The following FAM135A variants were observed in gnomAD, a reference collection of about 807,000 sequenced individuals.
FAM135A encodes family with sequence similarity 135 member A, also known as protein FAM135A.
Under a neutral mutation model 146.8 loss-of-function variants are expected in FAM135A, and 79 were observed. That is an observed-to-expected ratio of 0.54 (90% CI 0.45 to 0.65). FAM135A has a LOEUF of 0.65. Ranked by LOEUF, FAM135A falls within the 30% of genes least tolerant of loss-of-function variation. The pLI, the probability that FAM135A is intolerant of heterozygous loss-of-function variation, is 0.00. For missense variants in FAM135A, 1,623 were observed against 1,758.2 expected, an observed-to-expected ratio of 0.92 and a Z score of 1.38; for synonymous variants, 562 against 603.6, an observed-to-expected ratio of 0.93 and a Z score of 1.01.
At chr6:70,481,146 C>CA in intron 9 of FAM135A, 119 bp downstream of exon 9, 3 of 913,008 alleles carry the variant, frequency 3.3e-6, no homozygotes, top group Non-Finnish European at 3.1e-6. Context: ...ACTTATAGAT[C>CA]TAATTAAATA....
intron 16 of FAM135A, among the ~76,000 whole-genome samples, chr6:70,530,677 C>CA (rs1795632288): frequency 6.6e-6 from 1 of 152,102 alleles, no homozygotes; most frequent in African/African-American, 2.4e-5. Flanking sequence ...CACTTGAACC[C>CA]AGGAGGCAGA....
At chr6:70,508,694 C>A (rs1790338830) in intron 12 of FAM135A, among the ~76,000 whole-genome samples, 1 of 152,088 alleles carries the variant, frequency 6.6e-6, no homozygotes, top group Non-Finnish European at 1.5e-5. Context: ...TTGTATAAAT[C>A]TTTAGTTCTA....
chr6:70,419,395 G>A (rs1300164141), intron 2 of FAM135A, among the ~76,000 whole-genome samples: 1 of 150,748 alleles, frequency 6.6e-6, no homozygotes, highest in East Asian at 2.0e-4. Context: ...CTCCAGCCTG[G>A]GTGACAGAGC....
At chr6:70,430,481 C>CACTTAAAAA (rs1391507786) in intron 4 of FAM135A, among the ~76,000 whole-genome samples, 1 of 152,184 alleles carries the variant, frequency 6.6e-6, no homozygotes, top group East Asian at 1.9e-4. Flanking sequence ...CAGTACAATT[C>CACTTAAAAA]ACTTAAAAAA....
intron 4 of FAM135A, among the ~76,000 whole-genome samples, chr6:70,430,112 A>T (rs1349121815): frequency 6.6e-6 from 1 of 152,026 alleles, no homozygotes; most frequent in Non-Finnish European, 1.5e-5. Flanking sequence ...CAAGGCGGGC[A>T]GATCACCAGA....
intron 4 of FAM135A, among the ~76,000 whole-genome samples, chr6:70,430,472 A>G (rs916107455): frequency 2.6e-5 from 4 of 152,216 alleles, no homozygotes; most frequent in Non-Finnish European, 4.4e-5. Context: ...CTTTTTGGCC[A>G]GTACAATTCA....
chr6:70,556,958 T>TGA, intron 21 of FAM135A, 95 bp downstream of exon 21: 1 of 847,106 alleles, frequency 1.2e-6, no homozygotes, highest in East Asian at 2.6e-5. Context: ...CTGTCACCCT[T>TGA]CTCTTTCCTG....
intron 12 of FAM135A, among the ~76,000 whole-genome samples, chr6:70,510,209 TAACATGATATATA>T (rs1204588620): frequency 1.5e-5 from 2 of 136,780 alleles, no homozygotes; most frequent in African/African-American, 5.6e-5. Context: ...AGATGTTATG[TAACATGATATATA>T]TAGGTAACTG....
At chr6:70,471,901 A>G (rs963675925) in intron 5 of FAM135A, among the ~76,000 whole-genome samples, 1 of 152,178 alleles carries the variant, frequency 6.6e-6, no homozygotes. Flanking sequence ...CTACATAGCT[A>G]TTGAGTTCAC....
In FAM135A at chr6:70,525,802, A is replaced by C; in HGVS notation, c.2718A>C (p.Glu906Asp). 2 of 1,613,228 alleles carry C rather than the reference A, an allele frequency of 1.2e-6. No homozygotes were observed. Among genetic ancestry groups the C allele is most frequent in the Non-Finnish European group, 1.7e-6 (2 of 1,179,582 alleles). The change falls in exon 15 of 22, where the codon GAA becomes GAC. Residue 906 changes from glutamate (E) to aspartate (D), a missense_variant. By Grantham distance (45) the Glu-to-Asp change is conservative. Around this residue, in one of 7 missense-constraint regions of FAM135A, gnomAD observed 1,061 missense variants for 1,113.8 expected, o/e 0.95. Coordinates refer to ENST00000418814, the MANE Select transcript of FAM135A (RefSeq NM_001162529.3). ...TATTTTCAGGGAACTTGGACAATGA[A>C]ACTGTAGCAATACATTCCTTAAATT... ...SVVFSGNLDNETVAIHSLNSS... is the reference protein window; with the variant it reads ...SVVFSGNLDNDTVAIHSLNSS...
intron 4 of FAM135A, among the ~76,000 whole-genome samples, chr6:70,438,652 T>A (rs1402827322): frequency 6.6e-6 from 1 of 152,166 alleles, no homozygotes; most frequent in Non-Finnish European, 1.5e-5. Flanking sequence ...ACAATTTGGA[T>A]TCACGAGAAG....
chr6:70,510,138 A>G (rs926734479), intron 12 of FAM135A, among the ~76,000 whole-genome samples: 1 of 152,012 alleles, frequency 6.6e-6, no homozygotes, highest in African/African-American at 2.4e-5. Context: ...CCGTTGGTCT[A>G]ATAGCTAGGA....
chr6:70,475,512 T>C lies in FAM135A; in HGVS notation c.260T>C (p.Met87Thr), dbSNP rs772361111. Residue 87 changes from methionine (M) to threonine (T), a missense_variant, in exon 6 of 22, where the codon ATG becomes ACG. Transcript: ENST00000418814. ...KNEEVVLNDV[M>T]IFKVKMLLDE... ...GAAGAGGTTGTTTTAAATGATGTTA[T>C]GATCTTCAAAGTAAAAATGCTATTG... 3.7e-6 allele frequency: 6 copies of C among 1,602,658 alleles called. No individual in the cohort carries two copies. The Admixed American group carries it at 6.9e-5, about 18-fold the overall frequency.
At chr6:70,422,947 G>T (rs1769195750) in intron 2 of FAM135A, among the ~76,000 whole-genome samples, 1 of 152,134 alleles carries the variant, frequency 6.6e-6, no homozygotes, top group Non-Finnish European at 1.5e-5. Context: ...GGGGATAGGT[G>T]CTGAGGAAAA....
In FAM135A at chr6:70,480,435, T is replaced by G. The variant is rs530721705; in HGVS notation, c.543-466T>G. The stretch of plus-strand genomic sequence containing the variant: ...GTAAAGAGAATTAAGGGAAATAAAT[T>G]TATTTTTGAGAAATAGAGGCATCAG... On this transcript the variant is annotated intron_variant, in intron 8 of 21. Transcript: ENST00000418814. Among the ~76,000 whole-genome samples the G allele has an allele frequency of 7.2e-4, 110 of 152,292 alleles. 1 individual carries two copies. Among genetic ancestry groups the G allele is most frequent in the African/African-American group, 2.6e-3 (107 of 41,574 alleles).
intron 4 of FAM135A, among the ~76,000 whole-genome samples, chr6:70,444,983 T>C (rs1195663608): frequency 6.6e-6 from 1 of 152,250 alleles, no homozygotes; most frequent in Non-Finnish European, 1.5e-5. Context: ...TTTAAAATCG[T>C]AATTATTACC....
chr6:70,420,403 T>C (rs565851370), intron 2 of FAM135A, among the ~76,000 whole-genome samples: 1 of 152,344 alleles, frequency 6.6e-6, no homozygotes, highest in Admixed American at 6.5e-5. Flanking sequence ...GTGCAAGGTG[T>C]AGTTAGCTAT....
intron 2 of FAM135A, among the ~76,000 whole-genome samples, chr6:70,419,095 C>G (rs1338346424): frequency 6.6e-6 from 1 of 152,224 alleles, no homozygotes; most frequent in Non-Finnish European, 1.5e-5. Flanking sequence ...TGGTTATTTA[C>G]AACAGAACAG....
At chr6:70,491,192 C>G (rs1785881271) in intron 11 of FAM135A, 109 bp downstream of exon 11, 1 of 900,906 alleles carries the variant, frequency 1.1e-6, no homozygotes, top group East Asian at 2.9e-5. Context: ...TCCTAAAATG[C>G]AAAGATAAAA....
Sources: allele counts gnomAD v4.1 joint callset (sites outside exome capture counted in the v4.1 genomes callset), GRCh38; gene constraint gnomAD v4.1.1; regional missense constraint gnomAD v4.1.1; transcripts MANE v1.5; gene names NCBI Gene and HGNC (gene_info 2026-07-23, HGNC 2026-07-21).